FOXO1: variants seen among roughly 807,000 people sequenced by gnomAD.
FOXO1 encodes the protein forkhead box protein O1.
Under a neutral mutation model 44.1 loss-of-function variants are expected in FOXO1, and 6 were observed. That is an observed-to-expected ratio of 0.14 (90% CI 0.07 to 0.27). FOXO1 has a LOEUF of 0.27. Ranked by LOEUF, FOXO1 falls within the 10% of genes least tolerant of loss-of-function variation. FOXO1 has a pLI of 1.00. For missense variants in FOXO1, 737 were observed against 888.8 expected (o/e 0.83, Z 2.17); for synonymous variants, 380 against 362.7 (o/e 1.05, Z -0.54).
intron 1 of FOXO1, among the ~76,000 whole-genome samples, chr13:40,643,998 T>TTA (rs1877435886): frequency 6.6e-6 from 1 of 152,196 alleles, no homozygotes; most frequent in African/African-American, 2.4e-5. Context: ...CTCCTAATAT[T>TTA]TACTGCAAAA....
chr13:40,620,329 A>C, intron 1 of FOXO1: 2 of 824,878 alleles, frequency 2.4e-6, no homozygotes. Flanking sequence ...GTCACTATTC[A>C]AAGCAATAGT....
chr13:40,628,370 C>G (rs1876855556), intron 1 of FOXO1, among the ~76,000 whole-genome samples: 1 of 151,602 alleles, frequency 6.6e-6, no homozygotes, highest in Non-Finnish European at 1.5e-5. Flanking sequence ...CACACACACA[C>G]ACACACACAC....
At chr13:40,624,338 A>G (rs981979956) in intron 1 of FOXO1, among the ~76,000 whole-genome samples, 3 of 149,630 alleles carry the variant, frequency 2.0e-5, no homozygotes, top group Non-Finnish European at 4.4e-5. Context: ...AAAAAAAAAA[A>G]AGATCACTCA....
intron 1 of FOXO1, among the ~76,000 whole-genome samples, chr13:40,605,129 T>C (rs1875949680): frequency 6.6e-6 from 1 of 151,862 alleles, no homozygotes; most frequent in South Asian, 2.1e-4. Flanking sequence ...TAAATATATA[T>C]TTTTAGTCAA....
At position 40,556,187 on chromosome 13, in the gene FOXO1, T is replaced by C; in HGVS notation, c.*2862A>G. ...TTATTGGTAGCATATATCCAGCAGTTGAACAAGTCCAATTTGTATATCGTT... is the reference window on the plus strand; with the variant it reads ...TTATTGGTAGCATATATCCAGCAGTCGAACAAGTCCAATTTGTATATCGTT... On this transcript the variant is annotated 3_prime_UTR_variant, in exon 3 of 3. Transcript: ENST00000379561. The C allele has an allele frequency of 6.6e-6, 1 of 152,296 alleles. No individual in the cohort carries two copies. Among genetic ancestry groups the C allele is most frequent in the East Asian group, 1.9e-4 (1 of 5,206 alleles). The allele number at this position is 152,296 out of a possible 1,614,324, so 9.4% of individuals were successfully genotyped here. A position where few individuals can be genotyped will look rare whatever the true frequency, so the allele number is the denominator to read the frequency against.
At chr13:40,617,685 C>T (rs1335966662) in intron 1 of FOXO1, among the ~76,000 whole-genome samples, 1 of 151,744 alleles carries the variant, frequency 6.6e-6, no homozygotes, top group East Asian at 1.9e-4. Context: ...GAATACCAAA[C>T]ATGTTGGGGG....
chr13:40,577,611 A>G (rs1373881287), intron 1 of FOXO1, among the ~76,000 whole-genome samples: 1 of 152,164 alleles, frequency 6.6e-6, no homozygotes, highest in African/African-American at 2.4e-5. Context: ...AACTTTTCCT[A>G]TTTCATAGCA....
chr13:40,614,013 T>C (rs140187722), intron 1 of FOXO1, among the ~76,000 whole-genome samples: 10 of 152,368 alleles, frequency 6.6e-5, no homozygotes, highest in African/African-American at 9.6e-5. Flanking sequence ...GTTGCCTTTC[T>C]TCTACCATGC....
intron 1 of FOXO1, among the ~76,000 whole-genome samples, chr13:40,631,025 G>C (rs1876945344): frequency 6.6e-6 from 1 of 152,144 alleles, no homozygotes; most frequent in Non-Finnish European, 1.5e-5. Context: ...GGATAAGTGA[G>C]AAAGAATAAA....
intron 1 of FOXO1, among the ~76,000 whole-genome samples, chr13:40,616,212 A>T (rs898326086): frequency 6.6e-6 from 1 of 152,234 alleles, no homozygotes; most frequent in South Asian, 2.1e-4. Flanking sequence ...ACTCAAAATG[A>T]AAAACAAGTA....
Position 40,560,911 on chromosome 13 carries a change from A to G in FOXO1, c.631-51T>C, listed in dbSNP as rs1197572412. 1 of 1,517,436 alleles carries G rather than the reference A, an allele frequency of 6.6e-7. No homozygotes were observed. The highest frequency in any genetic ancestry group is 8.8e-7 in the Non-Finnish European group (1 of 1,133,072). 94.0% of individuals were successfully genotyped at this position (1,517,436 alleles called of 1,614,324 possible). On this transcript the variant is annotated intron_variant, in intron 1 of 2. Coordinates refer to ENST00000379561, the MANE Select transcript of FOXO1 (RefSeq NM_002015.4). The surrounding 1 kb of genome is among the most constrained non-coding windows in gnomAD (Gnocchi z 5.1). ...AGTACAATACTTCTCTGCTTGCAAA[A>G]CTTCCTATTCTACATGTATTACATG...
In FOXO1 at chr13:40,666,367, G is replaced by A. The variant is rs1327699783; in HGVS notation, c.-155C>T. The A allele has an allele frequency of 7.2e-6, 4 of 551,734 alleles. No individual in the cohort carries two copies. The highest frequency in any genetic ancestry group is 1.2e-5 in the Non-Finnish European group (4 of 341,544). 34.2% of individuals were successfully genotyped at this position (551,734 alleles called of 1,614,324 possible). ...ACGGAAACTGGGAGGAAGGCGCGGC[G>A]GAGTGGAAGCGCGAGCCCAGAACTT... On this transcript the variant is annotated 5_prime_UTR_variant, in exon 1 of 3. Coordinates refer to ENST00000379561, the MANE Select transcript of FOXO1 (RefSeq NM_002015.4).
intron 1 of FOXO1, among the ~76,000 whole-genome samples, chr13:40,582,652 G>A (rs765674140): frequency 7.2e-5 from 11 of 152,152 alleles, no homozygotes; most frequent in South Asian, 2.1e-4. Context: ...TTGCTCATCC[G>A]TAAGAAGCAA....
intron 1 of FOXO1, among the ~76,000 whole-genome samples, chr13:40,646,398 G>T (rs765726532): frequency 9.3e-5 from 14 of 151,060 alleles, no homozygotes; most frequent in African/African-American, 3.4e-4. Flanking sequence ...GGCCAGGCTG[G>T]TCTCAAACTC....
chr13:40,661,581 G>A (rs560815633), intron 1 of FOXO1, among the ~76,000 whole-genome samples: 4 of 151,890 alleles, frequency 2.6e-5, no homozygotes, highest in Middle Eastern at 3.4e-3. Flanking sequence ...ACAGGTGTGC[G>A]CCACCACGCC....
chr13:40,655,637 C>CTTTTTTTT lies in FOXO1; in HGVS notation c.630+9938_630+9945dup, dbSNP rs774180443. Among the ~76,000 whole-genome samples the CTTTTTTTT allele has an allele frequency of 7.9e-5, 8 of 101,282 alleles. 1 individual carries two copies. The highest frequency in any genetic ancestry group is 2.0e-4 in the African/African-American group (5 of 24,534). The allele number at this position is 101,282 out of a possible 152,430, so 66.4% of individuals were successfully genotyped here. Reference sequence around the variant, plus strand: ...ATTAGTAAAATAGTTTTCTACACTTCTTTTTTTTTTTTTTTTTTTTTGGCA... The same window carrying CTTTTTTTT: ...ATTAGTAAAATAGTTTTCTACACTTCTTTTTTTTTTTTTTTTTTTTTTTTTTTTTGGCA... On this transcript the variant is annotated intron_variant, in intron 1 of 2. Transcript: ENST00000379561.
Position 40,609,164 on chromosome 13 carries a change from A to G in FOXO1, c.631-48304T>C, listed in dbSNP as rs576136789. Among the ~76,000 whole-genome samples, 4 of 152,274 alleles carry G rather than the reference A, an allele frequency of 2.6e-5. No individual in the cohort carries two copies. The East Asian group carries it at 7.7e-4, about 29-fold the overall frequency. The stretch of plus-strand genomic sequence containing the variant: ...TTAATTAATTATCGTTATCATTTGT[A>G]ATTTTTGAAGCTCAGTAGACCTGAA... On this transcript the variant is annotated intron_variant, in intron 1 of 2. Coordinates refer to ENST00000379561, the MANE Select transcript of FOXO1 (RefSeq NM_002015.4).
At position 40,632,545 on chromosome 13, in the gene FOXO1, C is replaced by T. The variant is rs947394491; in HGVS notation, c.630+33038G>A. Reference sequence around the variant, plus strand: ...CCTAGCTACTTGGGAGGCTGAGGCACGAATATCTCTTGAGCCCGGGAGGCG... The same window carrying T: ...CCTAGCTACTTGGGAGGCTGAGGCATGAATATCTCTTGAGCCCGGGAGGCG... On this transcript the variant is annotated intron_variant, in intron 1 of 2. Coordinates refer to ENST00000379561, the MANE Select transcript of FOXO1 (RefSeq NM_002015.4). Among the ~76,000 whole-genome samples the T allele has an allele frequency of 4.7e-5, 7 of 149,704 alleles. 1 individual carries two copies. The highest frequency in any genetic ancestry group is 7.4e-5 in the African/African-American group (3 of 40,546).
chr13:40,647,303 T>C (rs912829881), intron 1 of FOXO1, among the ~76,000 whole-genome samples: 6 of 152,222 alleles, frequency 3.9e-5, no homozygotes, highest in Non-Finnish European at 8.8e-5. Context: ...GCTTCAATCA[T>C]GCAACCTGCA....
Sources: gnomAD v4.1 joint callset for allele counts (sites outside exome capture counted in the v4.1 genomes callset) on GRCh38, gnomAD v4.1.1 for gene constraint, Gnocchi (gnomAD v3.1) non-coding constraint, MANE v1.5 for transcripts, NCBI Gene and HGNC (gene_info 2026-07-23, HGNC 2026-07-21) for gene names.